PLPPR4: variants seen among roughly 807,000 people sequenced by gnomAD.
PLPPR4 encodes the protein phospholipid phosphatase-related protein type 4.
Under a neutral mutation model 56.6 loss-of-function variants are expected in PLPPR4, and 24 were observed. That is an observed-to-expected ratio of 0.42 (90% confidence interval 0.31 to 0.60). The LOEUF (loss-of-function observed/expected upper bound fraction) is 0.60, where lower values mean the gene tolerates loss of function less well. Ranked by LOEUF, PLPPR4 falls within the 20% of genes least tolerant of loss-of-function variation. PLPPR4 has a pLI of 0.13. For synonymous variants in PLPPR4, 326 were observed against 328.1 expected (o/e 0.99, Z 0.07); for missense variants, 654 against 885.8 (o/e 0.74, Z 3.32).
chr1:99,271,781 T>C (rs549297552), intron 1 of PLPPR4, among the ~76,000 whole-genome samples: 1 of 151,880 alleles, frequency 6.6e-6, no homozygotes, highest in South Asian at 2.1e-4. Flanking sequence ...GAGAGTAGAA[T>C]ATGTAGGTGT....
At chr1:99,288,671 C>A (rs984155859) in intron 2 of PLPPR4, among the ~76,000 whole-genome samples, 13 of 152,036 alleles carry the variant, frequency 8.6e-5, no homozygotes, top group Non-Finnish European at 1.3e-4. Context: ...CACATACATA[C>A]AGACATACTC....
intron 3 of PLPPR4, among the ~76,000 whole-genome samples, chr1:99,297,937 G>C (rs1007486233): frequency 1.3e-5 from 2 of 152,118 alleles, no homozygotes; most frequent in Non-Finnish European, 2.9e-5. Flanking sequence ...TCCAGAGCCT[G>C]CATCAGCGAC....
chr1:99,309,285 T>C lies in PLPPR4; in HGVS notation c.*2275T>C, dbSNP rs1036418355. The C allele has an allele frequency of 4.6e-5, 7 of 152,530 alleles. No individual in the cohort carries two copies. Among genetic ancestry groups the C allele is most frequent in the Admixed American group, 3.9e-4 (6 of 15,268 alleles). 9.4% of individuals were successfully genotyped at this position (152,530 alleles called of 1,614,324 possible). A position where few individuals can be genotyped will look rare whatever the true frequency, so the allele number is the denominator to read the frequency against. On this transcript the variant is annotated 3_prime_UTR_variant, in exon 7 of 7. Coordinates refer to ENST00000370185, the MANE Select transcript of PLPPR4 (RefSeq NM_014839.5). ...CAGACTAAAAGGTGGTATCTCTTCT[T>C]AGTGTTCTATTTATCTTATTTGCTA...
At position 99,308,811 on chromosome 1, in the gene PLPPR4, G is replaced by C. The variant is rs892432530; in HGVS notation, c.*1801G>C. The C allele has an allele frequency of 6.6e-6, 1 of 152,448 alleles. No homozygotes were observed. Among genetic ancestry groups the C allele is most frequent in the African/African-American group, 2.4e-5 (1 of 41,376 alleles). The allele number at this position is 152,448 out of a possible 1,614,324, so 9.4% of individuals were successfully genotyped here. ...AATTTCCTTCTCAGAGAGGGGAGTG[G>C]GAATAAAATGTTGCCTTCCCCACTT... On this transcript the variant is annotated 3_prime_UTR_variant, in exon 7 of 7. Coordinates refer to ENST00000370185, the MANE Select transcript of PLPPR4 (RefSeq NM_014839.5).
At chr1:99,291,453 C>G (rs140757007) in intron 2 of PLPPR4, among the ~76,000 whole-genome samples, 1,585 of 152,266 alleles carry the variant, frequency 0.01, 28 homozygotes, top group African/African-American at 0.037. Context: ...ATAAATCATT[C>G]TATTATAAAG....
chr1:99,296,955 C>A, intron 3 of PLPPR4, 88 bp downstream of exon 3: 1 of 1,214,452 alleles, frequency 8.2e-7, no homozygotes, highest in Non-Finnish European at 1.1e-6. Context: ...GTCTCGTACG[C>A]TATAATTTAG....
chr1:99,291,698 T>C (rs893514916), intron 2 of PLPPR4, among the ~76,000 whole-genome samples: 1 of 152,160 alleles, frequency 6.6e-6, no homozygotes. Flanking sequence ...CCACGTGTTC[T>C]CATTCATAAC....
intron 1 of PLPPR4, among the ~76,000 whole-genome samples, chr1:99,265,412 C>T (rs1356871916): frequency 1.3e-5 from 2 of 152,120 alleles, no homozygotes; most frequent in East Asian, 3.9e-4. Flanking sequence ...TCCGTAATGA[C>T]CCTCTAACTT....
chr1:99,302,660 C>T (rs1279504716), intron 6 of PLPPR4, among the ~76,000 whole-genome samples: 1 of 108,218 alleles, frequency 9.2e-6, no homozygotes, highest in Non-Finnish European at 1.8e-5. Context: ...GCTATCCCTC[C>T]CCCCTCCCCC....
rs1660026406 is a variant in PLPPR4 at position 99,306,222 on chromosome 1, C to G, written c.1360C>G (p.Leu454Val). ...GDHHGPGNQY[L>V]KIQPGAVPGC... The stretch of plus-strand genomic sequence containing the variant: ...CCACCATGGTCCTGGCAATCAGTAC[C>G]TCAAAATCCAGCCTGGCGCTGTCCC... Residue 454 changes from leucine (L) to valine (V), a missense_variant, in exon 7 of 7, where the codon CTC becomes GTC. Physicochemically the swap from Leu to Val is conservative, Grantham distance 32. Coordinates refer to ENST00000370185, the MANE Select transcript of PLPPR4 (RefSeq NM_014839.5). This position sits in a 1 kb window ranked among gnomAD's most constrained non-coding sequence, Gnocchi z 4.0. 8 of 1,614,116 alleles carry G rather than the reference C, an allele frequency of 5.0e-6. No individual in the cohort carries two copies. The highest frequency in any genetic ancestry group is 6.8e-6 in the Non-Finnish European group (8 of 1,180,016).
At chr1:99,270,168 G>A (rs1348920292) in intron 1 of PLPPR4, among the ~76,000 whole-genome samples, 1 of 151,950 alleles carries the variant, frequency 6.6e-6, no homozygotes, top group East Asian at 1.9e-4. Flanking sequence ...GGGACTACAG[G>A]CATGCACCAC....
chr1:99,289,239 C>T (rs925865761), intron 2 of PLPPR4, among the ~76,000 whole-genome samples: 7 of 152,118 alleles, frequency 4.6e-5, no homozygotes, highest in African/African-American at 1.7e-4. Flanking sequence ...GAAAGCTCCA[C>T]ATTCTAATGA....
In PLPPR4 at chr1:99,309,375, A is replaced by T. The variant is rs1369670307; in HGVS notation, c.*2365A>T. The T allele has an allele frequency of 6.6e-6, 1 of 152,362 alleles. No individual in the cohort carries two copies. Among genetic ancestry groups the T allele is most frequent in the African/African-American group, 2.4e-5 (1 of 41,448 alleles). The allele number at this position is 152,362 out of a possible 1,614,324, so 9.4% of individuals were successfully genotyped here. The stretch of plus-strand genomic sequence containing the variant: ...ATAAAACCAAGTATTGAATAAAGAG[A>T]GTTAATTATCTTTTTAAAGTAAATA... On this transcript the variant is annotated 3_prime_UTR_variant, in exon 7 of 7. Transcript: ENST00000370185.
intron 1 of PLPPR4, among the ~76,000 whole-genome samples, chr1:99,285,320 C>T (rs1487721813): frequency 1.3e-5 from 2 of 151,924 alleles, no homozygotes; most frequent in East Asian, 1.9e-4. Flanking sequence ...AATATTGGCA[C>T]GTAGTAAGCA....
At chr1:99,287,227 T>G (rs1659488013) in intron 1 of PLPPR4, among the ~76,000 whole-genome samples, 1 of 151,060 alleles carries the variant, frequency 6.6e-6, no homozygotes, top group South Asian at 2.1e-4. Flanking sequence ...TCATTCCTCT[T>G]TATGGGTGCA....
chr1:99,293,001 G>A (rs1346038377), intron 2 of PLPPR4, among the ~76,000 whole-genome samples: 1 of 152,022 alleles, frequency 6.6e-6, no homozygotes, highest in Non-Finnish European at 1.5e-5. Flanking sequence ...CTATCTTTAG[G>A]GTGGCATAAG....
chr1:99,263,315 G>A (rs758258197), upstream of PLPPR4, among the ~76,000 whole-genome samples: 1 of 152,174 alleles, frequency 6.6e-6, no homozygotes, highest in African/African-American at 2.4e-5. Flanking sequence ...GCGGAAACAA[G>A]CAATTATATT....
At chr1:99,293,049 G>A (rs556408397) in intron 2 of PLPPR4, among the ~76,000 whole-genome samples, 42 of 152,180 alleles carry the variant, frequency 2.8e-4, no homozygotes, top group Admixed American at 5.9e-4. Flanking sequence ...GGGGTAGGGA[G>A]GTAAGCAGAA....
At chr1:99,263,728 T>C (rs1044328622), upstream of PLPPR4, among the ~76,000 whole-genome samples, 4 of 152,216 alleles carry the variant, frequency 2.6e-5, no homozygotes, top group African/African-American at 9.7e-5. Flanking sequence ...TTCTTTTTAC[T>C]GTTATGATTG....
Sources: gnomAD v4.1 joint callset for allele counts (sites outside exome capture counted in the v4.1 genomes callset) on GRCh38, gnomAD v4.1.1 for gene constraint, Gnocchi (gnomAD v3.1) non-coding constraint, MANE v1.5 for transcripts, NCBI Gene and HGNC (gene_info 2026-07-23, HGNC 2026-07-21) for gene names.